The following CUL4A variants were observed in gnomAD, a reference collection of about 807,000 sequenced individuals.
The protein encoded by CUL4A is cullin-4A.
In CUL4A, 16 loss-of-function variants were observed where a neutral mutation model predicts 95.5. That is an observed-to-expected ratio of 0.17 (90% CI 0.11 to 0.25). The LOEUF (loss-of-function observed/expected upper bound fraction) is 0.25. Ranked by LOEUF, CUL4A falls within the 10% of genes least tolerant of loss-of-function variation. The pLI is 1.00. For missense variants in CUL4A, 610 were observed against 937.0 expected (o/e 0.65, Z 4.56); for synonymous variants, 380 against 353.1 (o/e 1.08, Z -0.85).
intron 2 of CUL4A, among the ~76,000 whole-genome samples, chr13:113,211,585 A>G (rs1415347102): frequency 6.6e-6 from 1 of 152,070 alleles, no homozygotes. Flanking sequence ...GGGTTTCGCC[A>G]TGTTGGGCAG....
At chr13:113,213,340 G>C (rs1008582430) in intron 2 of CUL4A, among the ~76,000 whole-genome samples, 3 of 152,202 alleles carry the variant, frequency 2.0e-5, no homozygotes, top group Non-Finnish European at 4.4e-5. Context: ...GTTGGGGCCT[G>C]TTTGTCTCCC....
At chr13:113,259,141 T>C in intron 18 of CUL4A, among the ~76,000 whole-genome samples, 1 of 152,250 alleles carries the variant, frequency 6.6e-6, no homozygotes, top group East Asian at 1.9e-4. Context: ...TTTTCTTGGA[T>C]TTTCCAGCTC....
chr13:113,235,036 G>A, intron 7 of CUL4A, 27 bp from the exon 8 acceptor site: 1 of 1,473,338 alleles, frequency 6.8e-7, no homozygotes, highest in Non-Finnish European at 9.4e-7. Flanking sequence ...TTTTGTTACT[G>A]ATACATTTAA....
intron 3 of CUL4A, chr13:113,219,778 C>G (rs1468543795): frequency 6.6e-6 from 1 of 152,260 alleles, no homozygotes; most frequent in Non-Finnish European, 1.5e-5. Context: ...TTCACAGTTG[C>G]GTGTGAGGCA....
chr13:113,233,278 G>C lies in CUL4A; in HGVS notation c.614G>C (p.Ser205Thr). The C allele has an allele frequency of 6.2e-7, 1 of 1,613,964 alleles. No individual in the cohort carries two copies. Among genetic ancestry groups the C allele is most frequent in the Non-Finnish European group, 8.5e-7 (1 of 1,180,000 alleles). The change falls in exon 6 of 20, where the codon AGC becomes ACC. Residue 205 changes from serine (S) to threonine (T), a missense_variant. Physicochemically the swap from Ser to Thr is moderately conservative, Grantham distance 58. Around this residue, in one of 10 missense-constraint regions of CUL4A, gnomAD observed 97 missense variants for 100.3 expected, o/e 0.97. Coordinates refer to ENST00000375440, the MANE Select transcript of CUL4A (RefSeq NM_001008895.4). Reference sequence around the variant, plus strand: ...CTACTGCTGATCGAGCGCGAGAGGAGCGGCGAGGCCGTGGACCGGAGCCTG... The same window carrying C: ...CTACTGCTGATCGAGCGCGAGAGGACCGGCGAGGCCGTGGACCGGAGCCTG... ...GILLLIERER[S>T]GEAVDRSLLR...
chr13:113,261,121 G>A (rs952166493), intron 19 of CUL4A, among the ~76,000 whole-genome samples: 2 of 152,090 alleles, frequency 1.3e-5, no homozygotes, highest in East Asian at 1.9e-4. Flanking sequence ...CTTACTCAGC[G>A]TTTACAGCCT....
chr13:113,209,778 G>C lies in CUL4A; in HGVS notation c.148+3G>C, dbSNP rs1595327507. 2 of 1,178,340 alleles carry C rather than the reference G, an allele frequency of 1.7e-6. No individual in the cohort carries two copies. The highest frequency in any genetic ancestry group is 7.3e-5 in the East Asian group (2 of 27,260). The allele number at this position is 1,178,340 out of a possible 1,614,324, so 73.0% of individuals were successfully genotyped here. Reference sequence around the variant, plus strand: ...GCTGGTCATCAAGAACTTCCGAGGTGGGTGCGGCGGCCGGGTCGAGGGCCA... The same window carrying C: ...GCTGGTCATCAAGAACTTCCGAGGTCGGTGCGGCGGCCGGGTCGAGGGCCA... On this transcript the variant is annotated splice_donor_region_variant and intron_variant, in intron 1 of 19. Coordinates refer to ENST00000375440, the MANE Select transcript of CUL4A (RefSeq NM_001008895.4).
At chr13:113,209,017 G>A (rs1488251164), upstream of CUL4A, 19 of 701,912 alleles carry the variant, frequency 2.7e-5, no homozygotes, top group Middle Eastern at 6.6e-4. Context: ...CTGGGCCAGG[G>A]CCTCGGGGCG....
At chr13:113,244,551 A>G in intron 12 of CUL4A, 37 bp downstream of exon 12, 1 of 1,490,712 alleles carries the variant, frequency 6.7e-7, no homozygotes, top group Non-Finnish European at 9.3e-7. Flanking sequence ...TGCATAATCA[A>G]GAGGTGTAAA....
At chr13:113,236,647 T>G (rs1337202630) in intron 8 of CUL4A, among the ~76,000 whole-genome samples, 176 bp from the exon 9 acceptor site, 2 of 152,214 alleles carry the variant, frequency 1.3e-5, no homozygotes, top group Non-Finnish European at 2.9e-5. Flanking sequence ...AGGGCTTCCT[T>G]CAGCGTCATT....
intron 2 of CUL4A, among the ~76,000 whole-genome samples, chr13:113,213,835 A>G (rs1403703800): frequency 6.6e-6 from 1 of 152,246 alleles, no homozygotes; most frequent in East Asian, 1.9e-4. Context: ...ACCAGGGGAT[A>G]TGTGGAATCA....
intron 3 of CUL4A, among the ~76,000 whole-genome samples, chr13:113,224,726 C>T (rs1443224498): frequency 6.6e-6 from 1 of 152,246 alleles, no homozygotes; most frequent in Admixed American, 6.5e-5. Context: ...TCATGAATTG[C>T]TTTGTCTCAC....
At chr13:113,246,312 G>A (rs1361065193) in intron 15 of CUL4A, among the ~76,000 whole-genome samples, 2 of 152,188 alleles carry the variant, frequency 1.3e-5, no homozygotes, top group African/African-American at 4.8e-5. Flanking sequence ...ACAGGCACTT[G>A]TTTTGGAAGT....
chr13:113,209,940 C>T, intron 1 of CUL4A, 33 bp from the exon 2 acceptor site: 2 of 1,466,326 alleles, frequency 1.4e-6, no homozygotes, highest in Non-Finnish European at 1.8e-6. Context: ...TCGCGGCGCG[C>T]CCTGAGCCGC....
chr13:113,209,924 GGCGCTTCGCGGC>G, intron 1 of CUL4A, 37 bp from the exon 2 acceptor site: 2 of 1,402,790 alleles, frequency 1.4e-6, no homozygotes, highest in Non-Finnish European at 1.9e-6. Context: ...GGCTACGCGG[GGCGCTTCGCGGC>G]GCGCCCTGAG....
intron 3 of CUL4A, among the ~76,000 whole-genome samples, chr13:113,226,148 C>T (rs183261255): frequency 6.6e-5 from 10 of 152,296 alleles, no homozygotes; most frequent in East Asian, 5.8e-4. Flanking sequence ...TCAGGCCACT[C>T]GTTGCCACCC....
chr13:113,225,297 A>G (rs763616677), intron 3 of CUL4A, among the ~76,000 whole-genome samples: 54 of 152,186 alleles, frequency 3.5e-4, no homozygotes, highest in Non-Finnish European at 5.1e-4. Context: ...CATTGTGGCT[A>G]TGTGTTATAT....
At chr13:113,259,106 T>A (rs777750417) in intron 18 of CUL4A, among the ~76,000 whole-genome samples, 11 of 152,246 alleles carry the variant, frequency 7.2e-5, no homozygotes. Context: ...ACAAAACTCT[T>A]TAGCTTTGAA....
chr13:113,220,501 G>A (rs1178019520), intron 3 of CUL4A, among the ~76,000 whole-genome samples: 1 of 152,236 alleles, frequency 6.6e-6, no homozygotes, highest in Admixed American at 6.5e-5. Context: ...TCAGCAATGC[G>A]CTTCCAGGAA....
Sources: gnomAD v4.1 joint callset for allele counts (sites outside exome capture counted in the v4.1 genomes callset) on GRCh38, gnomAD v4.1.1 for gene constraint, gnomAD v4.1.1 regional missense constraint, MANE v1.5 for transcripts, NCBI Gene and HGNC (gene_info 2026-07-23, HGNC 2026-07-21) for gene names.